Variants in EHMT2 observed in about 807,000 individuals in gnomAD.
The protein encoded by EHMT2 is euchromatic histone lysine methyltransferase 2.
EHMT2 carries 59 observed loss-of-function variants against 143.3 expected under a neutral mutation model. That is an observed-to-expected ratio of 0.41 (90% CI 0.33 to 0.51). The LOEUF is 0.51. EHMT2 is among the 20% of genes least tolerant of loss of function. The pLI, the probability that EHMT2 is intolerant of heterozygous loss-of-function variation, is 0.18. For synonymous variants in EHMT2, 604 were observed against 651.5 expected (o/e 0.93, Z 1.11); for missense variants, 1,174 against 1,645.9 (o/e 0.71, Z 4.96).
rs181323053 is a variant in EHMT2, at chr6:31,882,722, G to A, written c.3174C>T (p.Ile1058=). Reference sequence around the variant, plus strand: ...ACTCGCAGATGAAGGTCCCCTGTGGGATGGTCTGCAGGGCGCGGACCCCCC... The same window carrying A: ...ACTCGCAGATGAAGGTCCCCTGTGGAATGGTCTGCAGGGCGCGGACCCCCC... The change falls in exon 25 of 28, where the codon ATC becomes ATT. Residue 1058 remains isoleucine, a synonymous_variant. Coordinates refer to ENST00000375537, the Ensembl canonical transcript of EHMT2. The A allele has an allele frequency of 6.0e-5, 96 of 1,612,658 alleles. No individual in the cohort carries two copies. The East Asian group carries it at 1.8e-3, about 30-fold the overall frequency.
At chr6:31,897,327 A>T (rs1766684301) in intron 1 of EHMT2, 2 of 495,720 alleles carry the variant, frequency 4.0e-6, no homozygotes, top group Non-Finnish European at 6.1e-6. Flanking sequence ...CCGGGCACCA[A>T]CCCCTCCAGC....
rs189984590 is a variant in EHMT2 at position 31,883,196 on chromosome 6, G to A, written c.2994+166C>T. 7.9e-4 allele frequency: 684 copies of A among 867,494 alleles called. 5 individuals are homozygous for A. In the East Asian group the frequency reaches 0.017, roughly 22 times the overall value. 53.7% of individuals were successfully genotyped at this position (867,494 alleles called of 1,614,324 possible). A position where few individuals can be genotyped will look rare whatever the true frequency, so the allele number is the denominator to read the frequency against. On this transcript the variant is annotated intron_variant, in intron 23 of 27. Coordinates refer to ENST00000375537, the Ensembl canonical transcript of EHMT2. The surrounding 1 kb of genome is among the most constrained non-coding windows in gnomAD (Gnocchi z 5.6). ...GCATAGACCTGGGCACACGCCCATCGCTGTCCCAGCCACATCCCAGGATTC... is the reference window on the plus strand; with the variant it reads ...GCATAGACCTGGGCACACGCCCATCACTGTCCCAGCCACATCCCAGGATTC...
chr6:31,886,912 G>A lies in EHMT2; in HGVS notation c.2119-15C>T. On this transcript the variant is annotated splice_polypyrimidine_tract_variant and intron_variant, in intron 16 of 27. Transcript: ENST00000375537. ...TTGGCTCCAGCCTGTGAGGGGGCAG[G>A]AGGGCTGGCACCAGGGAGGCATGGG... The A allele has an allele frequency of 6.2e-7, 1 of 1,614,064 alleles. No homozygotes were observed. The highest frequency in any genetic ancestry group is 1.1e-5 in the South Asian group (1 of 91,086).
Position 31,896,772 on chromosome 6 carries a change from G to A in EHMT2, c.162C>T (p.Ala54=), listed in dbSNP as rs181397127. The A allele has an allele frequency of 5.3e-5, 86 of 1,613,080 alleles. 1 individual carries two copies. The East Asian group carries it at 1.8e-3, about 35-fold the overall frequency. ...CAGCAGGCTCCAGGGAGTCGGGGGT[G>A]GCCTTGGGCAGGGTTTCTTCACTAC... Residue 54 remains alanine, a synonymous_variant, in exon 3 of 28, where the codon GCC becomes GCT. Coordinates refer to ENST00000375537, the Ensembl canonical transcript of EHMT2.
chr6:31,893,970 TTTTTA>T (rs1766030569), intron 4 of EHMT2, among the ~76,000 whole-genome samples: 1 of 152,024 alleles, frequency 6.6e-6, no homozygotes, highest in Non-Finnish European at 1.5e-5. Flanking sequence ...TTAAAAATGT[TTTTTA>T]TTTTATTTTT....
Position 31,888,924 on chromosome 6 carries a change from G to T in EHMT2, c.1216+45C>A, listed in dbSNP as rs773524150. The T allele has an allele frequency of 8.4e-6, 13 of 1,549,236 alleles. No homozygotes were observed. The highest frequency in any genetic ancestry group is 1.1e-5 in the Non-Finnish European group (12 of 1,140,312). On this transcript the variant is annotated intron_variant, in intron 10 of 27. Coordinates refer to ENST00000375537, the Ensembl canonical transcript of EHMT2. This position sits in a 1 kb window ranked among gnomAD's most constrained non-coding sequence, Gnocchi z 7.4. ...CCTCCTTCCCTTTCCCTCCTGCCCTGAGGTCGCCCCCTAGTGGCTCCCTGT... is the reference window on the plus strand; with the variant it reads ...CCTCCTTCCCTTTCCCTCCTGCCCTTAGGTCGCCCCCTAGTGGCTCCCTGT...
At position 31,883,103 on chromosome 6, in the gene EHMT2, G is replaced by A. The variant is rs957326411; in HGVS notation, c.2995-94C>T. 3.3e-6 allele frequency: 4 copies of A among 1,217,888 alleles called. No homozygotes were observed. In the African/African-American group the frequency reaches 6.0e-5, roughly 18 times the overall value. 75.4% of individuals were successfully genotyped at this position (1,217,888 alleles called of 1,614,324 possible). On this transcript the variant is annotated intron_variant, in intron 23 of 27. Transcript: ENST00000375537. The surrounding 1 kb of genome is among the most constrained non-coding windows in gnomAD (Gnocchi z 5.6). ...AAGACTCTACAGAGACAGGGAAGTT[G>A]GGGTTGGGGAGGTCACACAGGCTCT...
chr6:31,884,933 G>A lies in EHMT2; in HGVS notation c.2427C>T (p.Ala809=), dbSNP rs1332883863. The A allele has an allele frequency of 3.7e-6, 6 of 1,606,150 alleles. No homozygotes were observed. The highest frequency in any genetic ancestry group is 2.2e-5 in the East Asian group (1 of 44,588). The change falls in exon 19 of 28, where the codon GCC becomes GCT. Residue 809 remains alanine, a synonymous_variant. Coordinates refer to ENST00000375537, the Ensembl canonical transcript of EHMT2. The surrounding 1 kb of genome is among the most constrained non-coding windows in gnomAD (Gnocchi z 7.3). The stretch of plus-strand genomic sequence containing the variant: ...TCACGTTGTCAGTGAGGGTGACGTC[G>A]GCGCCCCGCGTCAGTAGCATGCGGA...
Position 31,883,602 on chromosome 6 carries a change from T to A in EHMT2, c.2917-163A>T, listed in dbSNP as rs1361980552. 4 of 967,678 alleles carry A rather than the reference T, an allele frequency of 4.1e-6. No individual in the cohort carries two copies. Among genetic ancestry groups the A allele is most frequent in the Non-Finnish European group, 6.3e-6 (4 of 636,030 alleles). The allele number at this position is 967,678 out of a possible 1,614,324, so 59.9% of individuals were successfully genotyped here. A position where few individuals can be genotyped will look rare whatever the true frequency, so the allele number is the denominator to read the frequency against. Reference sequence around the variant, plus strand: ...GTGACGGGTAATCAGTATGGTGGTGTCCCCAGGGCTACTGGGAGCTCATAT... The same window carrying A: ...GTGACGGGTAATCAGTATGGTGGTGACCCCAGGGCTACTGGGAGCTCATAT... On this transcript the variant is annotated intron_variant, in intron 22 of 27. Transcript: ENST00000375537. The surrounding 1 kb of genome is among the most constrained non-coding windows in gnomAD (Gnocchi z 5.6).
In EHMT2 at chr6:31,880,024, G is replaced by A. The variant is rs1763890402; in HGVS notation, c.*60C>T. 1.3e-6 allele frequency: 2 copies of A among 1,568,794 alleles called. No individual in the cohort carries two copies. Among genetic ancestry groups the A allele is most frequent in the African/African-American group, 2.7e-5 (2 of 74,406 alleles). On this transcript the variant is annotated 3_prime_UTR_variant, in exon 28 of 28. Transcript: ENST00000375537. This position sits in a 1 kb window ranked among gnomAD's most constrained non-coding sequence, Gnocchi z 6.6. Reference sequence around the variant, plus strand: ...CAGGCATGGGCTGCGAGCAGCTGGTGGCAGAGGAGGCGGCTGAGCTGTGGC... The same window carrying A: ...CAGGCATGGGCTGCGAGCAGCTGGTAGCAGAGGAGGCGGCTGAGCTGTGGC...
chr6:31,880,466 C>G lies in EHMT2; in HGVS notation c.3453-202G>C. The stretch of plus-strand genomic sequence containing the variant: ...TTTTTAGAAATGCAGAATCCTGGGC[C>G]CCATCCCAAGCCTACTGATTCAAAA... On this transcript the variant is annotated intron_variant, in intron 27 of 27. Transcript: ENST00000375537. This position sits in a 1 kb window ranked among gnomAD's most constrained non-coding sequence, Gnocchi z 6.6. 1.2e-6 allele frequency: 1 copy of G among 834,398 alleles called. No individual in the cohort carries two copies. The highest frequency in any genetic ancestry group is 1.8e-6 in the Non-Finnish European group (1 of 550,774). The allele number at this position is 834,398 out of a possible 1,614,324, so 51.7% of individuals were successfully genotyped here. A position where few individuals can be genotyped will look rare whatever the true frequency, so the allele number is the denominator to read the frequency against.
In EHMT2 at chr6:31,883,314, C is replaced by T; in HGVS notation, c.2994+48G>A. The stretch of plus-strand genomic sequence containing the variant: ...GAGCTGGTTTATTGGAGGCTGGCTC[C>T]TCTGAAGGAGGGGCCGGGTGTCTGT... On this transcript the variant is annotated intron_variant, in intron 23 of 27. Coordinates refer to ENST00000375537, the Ensembl canonical transcript of EHMT2. This position sits in a 1 kb window ranked among gnomAD's most constrained non-coding sequence, Gnocchi z 5.6. 1 of 1,591,620 alleles carries T rather than the reference C, an allele frequency of 6.3e-7. No homozygotes were observed.
In EHMT2 at chr6:31,882,785, C is replaced by G. The variant is rs1238311649; in HGVS notation, c.3111G>C (p.Lys1037Asn). Residue 1037 changes from lysine (K) to asparagine (N), a missense_variant and splice_region_variant, in exon 25 of 28, where the codon AAG becomes AAC. Physicochemically the swap from Lys to Asn is moderately conservative, Grantham distance 94 (BLOSUM62 0). This residue lies in a region of EHMT2 where 78 missense variants were observed against 144.0 expected (regional missense o/e 0.54). Coordinates refer to ENST00000375537, the Ensembl canonical transcript of EHMT2. ...CTGTTCGGTAGAGCTGTAGCCGCACCCTGGGGGTAGGAGAGATGGCGCTGT... is the reference window on the plus strand; with the variant it reads ...CTGTTCGGTAGAGCTGTAGCCGCACGCTGGGGGTAGGAGAGATGGCGCTGT... The G allele has an allele frequency of 8.1e-6, 13 of 1,612,412 alleles. No homozygotes were observed. Among genetic ancestry groups the G allele is most frequent in the Admixed American group, 1.7e-5 (1 of 59,898 alleles).
At chr6:31,895,680 CAG>C (rs200780959) in intron 4 of EHMT2, 5,637 of 152,352 alleles carry the variant, frequency 0.037, 205 homozygotes, top group Non-Finnish European at 0.045. Flanking sequence ...TGCTGCTAAT[CAG>C]AGTGTATTTT....
chr6:31,888,916 C>T lies in EHMT2; in HGVS notation c.1216+53G>A. The T allele has an allele frequency of 1.9e-6, 3 of 1,538,500 alleles. No individual in the cohort carries two copies. The stretch of plus-strand genomic sequence containing the variant: ...GTGGTTCCCCTCCTTCCCTTTCCCT[C>T]CTGCCCTGAGGTCGCCCCCTAGTGG... On this transcript the variant is annotated intron_variant, in intron 10 of 27. Coordinates refer to ENST00000375537, the Ensembl canonical transcript of EHMT2. This position sits in a 1 kb window ranked among gnomAD's most constrained non-coding sequence, Gnocchi z 7.4.
At chr6:31,886,447 G>C (rs550093044) in intron 18 of EHMT2, 134 bp downstream of exon 18, 4 of 671,592 alleles carry the variant, frequency 6.0e-6, no homozygotes, top group African/African-American at 5.4e-5. Context: ...ATACAAATGA[G>C]GAAGAAGAAA....
chr6:31,879,985 G>A (rs1311923241), exon 28 of EHMT2: 3 of 1,356,192 alleles, frequency 2.2e-6, no homozygotes, highest in African/African-American at 1.4e-5. Context: ...GGGGAGAGAA[G>A]ATGGCAGCAC....
Position 31,881,241 on chromosome 6 carries a change from G to A in EHMT2, c.3198-149C>T, listed in dbSNP as rs1220509150. ...GGAAGGCCTGGAGCAGCAGTGGTGGGCAAGTGAAAGGGCAGCATTCCAGCC... is the reference window on the plus strand; with the variant it reads ...GGAAGGCCTGGAGCAGCAGTGGTGGACAAGTGAAAGGGCAGCATTCCAGCC... On this transcript the variant is annotated intron_variant, in intron 25 of 27. Coordinates refer to ENST00000375537, the Ensembl canonical transcript of EHMT2. The surrounding 1 kb of genome is among the most constrained non-coding windows in gnomAD (Gnocchi z 4.8). The A allele has an allele frequency of 1.7e-5, 12 of 709,986 alleles. No homozygotes were observed. In the Admixed American group the frequency reaches 2.5e-4, roughly 15 times the overall value. The allele number at this position is 709,986 out of a possible 1,614,324, so 44.0% of individuals were successfully genotyped here. A position where few individuals can be genotyped will look rare whatever the true frequency, so the allele number is the denominator to read the frequency against.
At chr6:31,895,940 G>T in intron 4 of EHMT2, 1 of 286,300 alleles carries the variant, frequency 3.5e-6, no homozygotes. Context: ...AGTGACAGAT[G>T]AGTTCCCCAA....
Sources: allele counts gnomAD v4.1 joint callset (sites outside exome capture counted in the v4.1 genomes callset), GRCh38; gene constraint gnomAD v4.1.1; regional missense constraint gnomAD v4.1.1; non-coding constraint Gnocchi (gnomAD v3.1); transcripts MANE v1.5; gene names NCBI Gene and HGNC (gene_info 2026-07-23, HGNC 2026-07-21).